Variants in MBD5 observed in about 807,000 individuals in gnomAD.
MBD5 encodes the protein methyl-CpG-binding domain protein 5.
A neutral mutation model predicts 117.3 loss-of-function variants in MBD5; 13 were observed. The observed-to-expected ratio is 0.11, with a 90% confidence interval of 0.07 to 0.18. MBD5 has a LOEUF of 0.18. Ranked by LOEUF, MBD5 falls within the 10% of genes least tolerant of loss-of-function variation. The pLI is 1.00. For synonymous variants in MBD5, 727 were observed against 766.4 expected (o/e 0.95, Z 0.85); for missense variants, 1,879 against 2,093.8 (o/e 0.90, Z 2.00).
At chr2:148,361,320 A>G (rs1703526654) in intron 4 of MBD5, among the ~76,000 whole-genome samples, 1 of 152,142 alleles carries the variant, frequency 6.6e-6, no homozygotes, top group Non-Finnish European at 1.5e-5. Flanking sequence ...ACTGCATTGC[A>G]GCCTGGGTGA....
chr2:148,194,782 A>T (rs1698930709), intron 2 of MBD5, among the ~76,000 whole-genome samples: 2 of 135,288 alleles, frequency 1.5e-5, no homozygotes, highest in African/African-American at 7.7e-5. Flanking sequence ...AAAAATTAAA[A>T]AAAAAAAAAA....
chr2:148,135,812 CT>C (rs1697155143), intron 1 of MBD5, among the ~76,000 whole-genome samples: 1 of 152,130 alleles, frequency 6.6e-6, no homozygotes. Context: ...ATCTTTGTGT[CT>C]GTTTGGAAGT....
At chr2:148,357,824 G>A (rs1703424709) in intron 4 of MBD5, among the ~76,000 whole-genome samples, 1 of 151,862 alleles carries the variant, frequency 6.6e-6, no homozygotes, top group Admixed American at 6.6e-5. Flanking sequence ...TTTTCTAAAA[G>A]TCTTTCGTAT....
intron 1 of MBD5, among the ~76,000 whole-genome samples, chr2:148,039,299 T>A (rs953848812): frequency 2.0e-5 from 3 of 152,090 alleles, no homozygotes; most frequent in African/African-American, 4.8e-5. Context: ...ATATTTGTTG[T>A]TTTGTCTTCT....
chr2:148,303,911 A>G (rs1317578973), intron 3 of MBD5, among the ~76,000 whole-genome samples: 1 of 152,184 alleles, frequency 6.6e-6, no homozygotes, highest in Non-Finnish European at 1.5e-5. Context: ...GACATTTTTA[A>G]TAGAGATTAA....
At chr2:148,047,401 G>C (rs566437529) in intron 1 of MBD5, among the ~76,000 whole-genome samples, 1 of 152,302 alleles carries the variant, frequency 6.6e-6, no homozygotes, top group South Asian at 2.1e-4. Context: ...TTTGCGTGGA[G>C]ACAGAGGAAG....
chr2:148,165,394 C>A lies in MBD5; in HGVS notation c.-924-13306C>A, dbSNP rs552849313. Among the ~76,000 whole-genome samples, 29 of 152,124 alleles carry A rather than the reference C, an allele frequency of 1.9e-4. No individual in the cohort carries two copies. In the East Asian group the frequency reaches 5.6e-3, roughly 29 times the overall value. On this transcript the variant is annotated intron_variant, in intron 1 of 13. Coordinates refer to ENST00000642680, the MANE Select transcript of MBD5 (RefSeq NM_001378120.1). ...TTTTTACCAATAAAAAGGACAATTTCTCCAATTTAACCCAATATAGAAGCA... is the reference window on the plus strand; with the variant it reads ...TTTTTACCAATAAAAAGGACAATTTATCCAATTTAACCCAATATAGAAGCA...
chr2:148,059,046 G>A (rs1357887170), intron 1 of MBD5, among the ~76,000 whole-genome samples: 3 of 152,142 alleles, frequency 2.0e-5, no homozygotes, highest in African/African-American at 4.8e-5. Flanking sequence ...TTACTTGAAT[G>A]TGTACCTTTG....
rs145315276 is a variant in MBD5 at position 148,473,213 on chromosome 2, G to A, written c.2518+2752G>A. Among the ~76,000 whole-genome samples, 6 of 152,078 alleles carry A rather than the reference G, an allele frequency of 3.9e-5. No homozygotes were observed. In the South Asian group the frequency reaches 6.2e-4, roughly 16 times the overall value. ...AGCAAATAATGACTAGAATTTTTACGTCAGTGCAGAAGAAGAAATACCCAA... is the reference window on the plus strand; with the variant it reads ...AGCAAATAATGACTAGAATTTTTACATCAGTGCAGAAGAAGAAATACCCAA... On this transcript the variant is annotated intron_variant, in intron 8 of 13. Coordinates refer to ENST00000642680, the MANE Select transcript of MBD5 (RefSeq NM_001378120.1).
intron 4 of MBD5, among the ~76,000 whole-genome samples, chr2:148,418,659 A>G (rs778488305): frequency 2.4e-4 from 37 of 152,328 alleles, no homozygotes; most frequent in Middle Eastern, 3.4e-3. Context: ...ATTTAGGCAT[A>G]TACTTATCCA....
At chr2:148,063,586 G>A (rs1695100225) in intron 1 of MBD5, among the ~76,000 whole-genome samples, 2 of 151,790 alleles carry the variant, frequency 1.3e-5, no homozygotes, top group Non-Finnish European at 2.9e-5. Context: ...CAGGCAGCAG[G>A]TCTTAGTTTG....
intron 1 of MBD5, among the ~76,000 whole-genome samples, chr2:148,160,394 C>T (rs1697980484): frequency 6.6e-6 from 1 of 151,014 alleles, no homozygotes; most frequent in African/African-American, 2.4e-5. Flanking sequence ...AATACTCCAT[C>T]TCAAAAAAAA....
intron 1 of MBD5, among the ~76,000 whole-genome samples, chr2:148,081,342 T>C (rs1695642304): frequency 6.6e-6 from 1 of 152,200 alleles, no homozygotes; most frequent in Non-Finnish European, 1.5e-5. Flanking sequence ...ATGGTATTTG[T>C]TGAATGAATG....
chr2:148,386,960 T>C (rs960145204), intron 4 of MBD5, among the ~76,000 whole-genome samples: 1 of 152,182 alleles, frequency 6.6e-6, no homozygotes, highest in African/African-American at 2.4e-5. Flanking sequence ...CCTACATGGC[T>C]GTAACTGACC....
rs1574393392 is a variant in MBD5, at chr2:148,409,266, T to C, written c.-556-48937T>C. ...AGCCAGACGTTATGGCACGTGCCTG[T>C]AGCCCTAGCTACTCGGGAGGCTGAG... On this transcript the variant is annotated intron_variant, in intron 4 of 13. Transcript: ENST00000642680. Among the ~76,000 whole-genome samples the C allele has an allele frequency of 3.3e-5, 5 of 151,940 alleles. 1 individual carries two copies. Among genetic ancestry groups the C allele is most frequent in the Admixed American group, 3.3e-4 (5 of 15,258 alleles).
intron 3 of MBD5, among the ~76,000 whole-genome samples, chr2:148,291,247 G>T (rs1701494493): frequency 6.6e-6 from 1 of 152,154 alleles, no homozygotes; most frequent in South Asian, 2.1e-4. Flanking sequence ...AAAGCTAGCT[G>T]GGAGTTTGAT....
intron 3 of MBD5, among the ~76,000 whole-genome samples, chr2:148,294,580 G>A (rs551756932): frequency 1.4e-5 from 2 of 146,754 alleles, no homozygotes; most frequent in South Asian, 4.3e-4. Flanking sequence ...TCAGCTCACT[G>A]CAACCTCCAC....
chr2:148,161,444 A>G (rs572640255), intron 1 of MBD5, among the ~76,000 whole-genome samples: 5 of 152,348 alleles, frequency 3.3e-5, no homozygotes, highest in African/African-American at 9.6e-5. Flanking sequence ...AGCTAAGGAA[A>G]AATTTGAAGC....
intron 3 of MBD5, among the ~76,000 whole-genome samples, chr2:148,338,122 T>C (rs538964420): frequency 2.8e-4 from 43 of 152,326 alleles, no homozygotes; most frequent in Non-Finnish European, 4.6e-4. Flanking sequence ...TTACACTGAA[T>C]AGATATTTAA....
Sources: allele counts gnomAD v4.1 joint callset (sites outside exome capture counted in the v4.1 genomes callset), GRCh38; gene constraint gnomAD v4.1.1; transcripts MANE v1.5; gene names NCBI Gene and HGNC (gene_info 2026-07-23, HGNC 2026-07-21).